The following CACNA2D1 variants were observed in gnomAD, a reference collection of about 807,000 sequenced individuals.
CACNA2D1 encodes calcium voltage-gated channel auxiliary subunit alpha2delta 1.
Under a neutral mutation model 171.5 loss-of-function variants are expected in CACNA2D1, and 53 were observed. The ratio of observed to expected loss-of-function variants is 0.31; its 90% CI spans 0.25 to 0.39. CACNA2D1 has a LOEUF of 0.39. CACNA2D1 is among the 10% of genes least tolerant of loss of function. The probability of loss-of-function intolerance (pLI) is 1.00; values close to 1 mark genes in which losing one functional copy is unlikely to be tolerated. For missense variants in CACNA2D1, 903 were observed against 1,299.8 expected, an observed-to-expected ratio of 0.69 and a Z score of 4.69; for synonymous variants, 442 against 443.1, an observed-to-expected ratio of 1.00 and a Z score of 0.03.
intron 3 of CACNA2D1, among the ~76,000 whole-genome samples, chr7:82,314,937 A>C (rs1814924015): frequency 6.6e-6 from 1 of 151,790 alleles, no homozygotes; most frequent in Admixed American, 6.6e-5. Flanking sequence ...AGGGACCAAA[A>C]ACTTCATCTC....
intron 6 of CACNA2D1, among the ~76,000 whole-genome samples, chr7:82,087,343 C>A (rs1284934462): frequency 6.6e-6 from 1 of 152,050 alleles, no homozygotes; most frequent in African/African-American, 2.4e-5. Context: ...TTGTAGAGAG[C>A]AGTTTGACTG....
intron 16 of CACNA2D1, among the ~76,000 whole-genome samples, 168 bp downstream of exon 16, chr7:82,007,511 T>C (rs1425007849): frequency 6.6e-6 from 1 of 152,158 alleles, no homozygotes; most frequent in East Asian, 1.9e-4. Flanking sequence ...TGACCTGCAT[T>C]TCCTTTTTCC....
At chr7:81,994,790 G>T in intron 20 of CACNA2D1, 78 bp downstream of exon 20, 1 of 781,518 alleles carries the variant, frequency 1.3e-6, no homozygotes, top group Non-Finnish European at 2.2e-6. Flanking sequence ...TGGATTAATA[G>T]AAAAAAAGGA....
At chr7:82,189,801 T>G (rs1278337477) in intron 3 of CACNA2D1, among the ~76,000 whole-genome samples, 1 of 151,854 alleles carries the variant, frequency 6.6e-6, no homozygotes, top group East Asian at 1.9e-4. Context: ...TGTCACTGAC[T>G]TTTTTACCAG....
chr7:81,967,739 A>G, intron 29 of CACNA2D1, 76 bp from the exon 30 acceptor site: 1 of 720,466 alleles, frequency 1.4e-6, no homozygotes, highest in East Asian at 2.7e-5. Context: ...AGTTATTTTG[A>G]TAGCAAGTAT....
intron 11 of CACNA2D1, among the ~76,000 whole-genome samples, chr7:82,037,756 G>C (rs1270139992): frequency 6.6e-6 from 1 of 152,150 alleles, no homozygotes; most frequent in Admixed American, 6.5e-5. Context: ...TGGTGATTGA[G>C]ATAAGAAAAA....
intron 24 of CACNA2D1, among the ~76,000 whole-genome samples, chr7:81,981,293 A>C (rs2130620166): frequency 6.6e-6 from 1 of 152,290 alleles, no homozygotes; most frequent in South Asian, 2.1e-4. Context: ...AGAGGGAGTA[A>C]GAAAAACAGA....
At chr7:82,237,730 AT>A (rs1803777761) in intron 3 of CACNA2D1, among the ~76,000 whole-genome samples, 2 of 152,010 alleles carry the variant, frequency 1.3e-5, no homozygotes, top group South Asian at 4.1e-4. Context: ...TACAAAGTGT[AT>A]TCAAATATAT....
intron 5 of CACNA2D1, among the ~76,000 whole-genome samples, chr7:82,134,563 T>A (rs77394533): frequency 0.069 from 10,525 of 152,284 alleles, 433 homozygotes; most frequent in South Asian, 0.17. Flanking sequence ...AAGTTTTAAA[T>A]TTAAATGTGG....
intron 3 of CACNA2D1, among the ~76,000 whole-genome samples, chr7:82,331,448 T>G (rs1817290333): frequency 6.6e-6 from 1 of 152,228 alleles, no homozygotes; most frequent in Non-Finnish European, 1.5e-5. Context: ...GTAGCATATG[T>G]TCTTCATTAG....
At chr7:82,428,752 GA>G (rs1460184189) in intron 1 of CACNA2D1, among the ~76,000 whole-genome samples, 2 of 152,142 alleles carry the variant, frequency 1.3e-5, no homozygotes, top group African/African-American at 2.4e-5. Flanking sequence ...TACAGAATAT[GA>G]AATGAAACTG....
At chr7:82,385,663 T>C (rs1824274310) in intron 1 of CACNA2D1, among the ~76,000 whole-genome samples, 1 of 152,078 alleles carries the variant, frequency 6.6e-6, no homozygotes, top group Non-Finnish European at 1.5e-5. Context: ...TTGTTTTGTT[T>C]TGTTTTGTTT....
intron 3 of CACNA2D1, among the ~76,000 whole-genome samples, chr7:82,263,546 T>C (rs1208907594): frequency 6.6e-6 from 1 of 152,188 alleles, no homozygotes; most frequent in Admixed American, 6.5e-5. Flanking sequence ...TCCACAGAAC[T>C]AACTCTGAAA....
intron 1 of CACNA2D1, among the ~76,000 whole-genome samples, chr7:82,392,483 C>T (rs553516071): frequency 4.1e-4 from 62 of 152,158 alleles, no homozygotes; most frequent in Non-Finnish European, 6.5e-4. Flanking sequence ...GGGTACAAGC[C>T]GTAATGCAGG....
At chr7:82,253,131 G>T (rs1252743041) in intron 3 of CACNA2D1, among the ~76,000 whole-genome samples, 1 of 152,100 alleles carries the variant, frequency 6.6e-6, no homozygotes, top group African/African-American at 2.4e-5. Context: ...GAGAAGAAGG[G>T]CTTATACTGG....
chr7:82,005,569 C>G, intron 17 of CACNA2D1, 72 bp from the exon 18 acceptor site: 1 of 994,314 alleles, frequency 1.0e-6, no homozygotes, highest in Non-Finnish European at 1.5e-6. Context: ...CTTTTAAATA[C>G]ATAATGTATT....
intron 6 of CACNA2D1, among the ~76,000 whole-genome samples, chr7:82,094,159 T>C (rs962537928): frequency 6.6e-6 from 1 of 152,116 alleles, no homozygotes; most frequent in Admixed American, 6.5e-5. Flanking sequence ...ATCAGATCCA[T>C]TGAAGCACAG....
chr7:81,961,755 A>G, intron 36 of CACNA2D1, 139 bp downstream of exon 36: 2 of 737,050 alleles, frequency 2.7e-6, no homozygotes, highest in East Asian at 2.7e-5. Context: ...GCTTAAAACA[A>G]TTACTCACAT....
Position 82,405,406 on chromosome 7 carries a change from C to A in CACNA2D1, c.95+37959G>T, listed in dbSNP as rs112001528. Among the ~76,000 whole-genome samples the A allele has an allele frequency of 3.4e-3, 511 of 152,074 alleles. 2 individuals are homozygous for A. The highest frequency in any genetic ancestry group is 0.012 in the African/African-American group (491 of 41,476). ...GCATTCAAATGAGCTAAATTTATACCAATGGGATCACACTTACAAATCTGG... is the reference window on the plus strand; with the variant it reads ...GCATTCAAATGAGCTAAATTTATACAAATGGGATCACACTTACAAATCTGG... On this transcript the variant is annotated intron_variant, in intron 1 of 38. Coordinates refer to ENST00000356860, the MANE Select transcript of CACNA2D1 (RefSeq NM_000722.4).
Sources: gnomAD v4.1 joint callset for allele counts (sites outside exome capture counted in the v4.1 genomes callset) on GRCh38, gnomAD v4.1.1 for gene constraint, MANE v1.5 for transcripts, NCBI Gene and HGNC (gene_info 2026-07-23, HGNC 2026-07-21) for gene names.